The following RHNO1 variants were observed in gnomAD, a reference collection of about 807,000 sequenced individuals.
RHNO1 encodes RAD9, HUS1, RAD1-interacting nuclear orphan protein 1.
RHNO1 carries 9 observed loss-of-function variants against 7.2 expected under a neutral mutation model. The ratio of observed to expected loss-of-function variants is 1.25; its 90% confidence interval spans 0.75 to 2.18. The LOEUF (loss-of-function observed/expected upper bound fraction) is 2.18, where lower values mean the gene tolerates loss of function less well. RHNO1 is among the 30% of genes most tolerant of loss of function. The probability of loss-of-function intolerance (pLI) is 0.00; values close to 1 mark genes in which losing one functional copy is unlikely to be tolerated. For missense variants in RHNO1, 292 were observed against 284.5 expected (o/e 1.03, Z -0.19); for synonymous variants, 95 against 107.5 (o/e 0.88, Z 0.72).
rs1043096061 is a variant in RHNO1 at position 2,889,009 on chromosome 12, T to A, written c.*550T>A. ...TCAGTAATACAGCAATATTACCCCATCCACTAATGGTCTTTGTTTCCTTAA... is the reference window on the plus strand; with the variant it reads ...TCAGTAATACAGCAATATTACCCCAACCACTAATGGTCTTTGTTTCCTTAA... On this transcript the variant is annotated 3_prime_UTR_variant, in exon 3 of 3. Coordinates refer to ENST00000489288, the MANE Select transcript of RHNO1 (RefSeq NM_001252499.3). 3 of 152,274 alleles carry A rather than the reference T, an allele frequency of 2.0e-5. No homozygotes were observed. The highest frequency in any genetic ancestry group is 7.2e-5 in the African/African-American group (3 of 41,436). The allele number at this position is 152,274 out of a possible 1,614,324, so 9.4% of individuals were successfully genotyped here.
intron 2 of RHNO1, chr12:2,886,937 G>C (rs1436545080): frequency 2.2e-6 from 1 of 455,750 alleles, no homozygotes; most frequent in South Asian, 1.5e-5. Flanking sequence ...CGCTATGCTT[G>C]GAGTTGGCTA....
At position 2,885,275 on chromosome 12, in the gene RHNO1, C is replaced by A; in HGVS notation, c.-84-8C>A. On this transcript the variant is annotated splice_polypyrimidine_tract_variant and splice_region_variant and intron_variant, in intron 1 of 2. Transcript: ENST00000489288. The stretch of plus-strand genomic sequence containing the variant: ...TATTTGCTCCCAGCTTTTGTTTCTT[C>A]TCTACAGGCATGGGTTGGAATTGGA... 1 of 1,125,940 alleles carries A rather than the reference C, an allele frequency of 8.9e-7. No individual in the cohort carries two copies. The highest frequency in any genetic ancestry group is 1.3e-6 in the Non-Finnish European group (1 of 785,996). 69.7% of individuals were successfully genotyped at this position (1,125,940 alleles called of 1,614,324 possible).
Position 2,888,708 on chromosome 12 carries a change from T to A in RHNO1, c.*249T>A, listed in dbSNP as rs371145409. The A allele has an allele frequency of 3.4e-4, 116 of 338,918 alleles. No individual in the cohort carries two copies. The highest frequency in any genetic ancestry group is 2.1e-3 in the African/African-American group (101 of 48,154). The allele number at this position is 338,918 out of a possible 1,614,324, so 21.0% of individuals were successfully genotyped here. The stretch of plus-strand genomic sequence containing the variant: ...ATGCCTGGCTAATTTTTTTGTATTT[T>A]TAGTAGAGATGTGGTTTCTCCATGT... On this transcript the variant is annotated 3_prime_UTR_variant, in exon 3 of 3. Coordinates refer to ENST00000489288, the MANE Select transcript of RHNO1 (RefSeq NM_001252499.3).
chr12:2,888,409 C>G lies in RHNO1; in HGVS notation c.667C>G (p.Leu223Val). 1.2e-6 allele frequency: 2 copies of G among 1,608,896 alleles called. No individual in the cohort carries two copies. The highest frequency in any genetic ancestry group is 1.7e-6 in the Non-Finnish European group (2 of 1,178,084). The part of the protein sequence containing the change: ...WRRRQHLLAY[L>V]RERGKLSRSQ... Reference sequence around the variant, plus strand: ...GAGACGACAGCACCTGCTTGCTTACCTCAGGGAGAGAGGGAAGCTGAGCAG... The same window carrying G: ...GAGACGACAGCACCTGCTTGCTTACGTCAGGGAGAGAGGGAAGCTGAGCAG... The change falls in exon 3 of 3, where the codon CTC becomes GTC. Residue 223 changes from leucine (L) to valine (V), a missense_variant. Coordinates refer to ENST00000489288, the MANE Select transcript of RHNO1 (RefSeq NM_001252499.3).
intron 2 of RHNO1, chr12:2,887,004 G>A: frequency 2.2e-6 from 1 of 455,926 alleles, no homozygotes; most frequent in Non-Finnish European, 4.4e-6. Context: ...TGGGAATCAA[G>A]AACAAGACCA....
chr12:2,883,497 ATATATATATATATATTTTTTTTTT>A (rs1316319825), intron 1 of RHNO1, among the ~76,000 whole-genome samples: 2 of 23,902 alleles, frequency 8.4e-5, no homozygotes, highest in African/African-American at 3.5e-4. Flanking sequence ...ATATATATAT[ATATATATATATATATTTTTTTTTT>A]TTTTTTTTTT....
rs1230927897 is a variant in RHNO1 at position 2,883,501 on chromosome 12, ATATATATATATTTTTTTT to A, written c.-84-1780_-84-1763del. On this transcript the variant is annotated intron_variant, in intron 1 of 2. Transcript: ENST00000489288. The stretch of plus-strand genomic sequence containing the variant: ...AATATATATATATATATATATATAT[ATATATATATATTTTTTTT>A]TTTTTTTTTTTTTTTGAGACGGAGT... Among the ~76,000 whole-genome samples the A allele has an allele frequency of 7.4e-3, 230 of 31,192 alleles. 2 individuals are homozygous for A. Among genetic ancestry groups the A allele is most frequent in the South Asian group, 0.026 (15 of 578 alleles). The allele number at this position is 31,192 out of a possible 152,430, so 20.5% of individuals were successfully genotyped here. A position where few individuals can be genotyped will look rare whatever the true frequency, so the allele number is the denominator to read the frequency against.
At chr12:2,883,498 TATATATATATA>T (rs2098161190) in intron 1 of RHNO1, among the ~76,000 whole-genome samples, 4 of 23,616 alleles carry the variant, frequency 1.7e-4, no homozygotes, top group Non-Finnish European at 2.7e-4. Context: ...TATATATATA[TATATATATATA>T]TATTTTTTTT....
intron 1 of RHNO1, among the ~76,000 whole-genome samples, chr12:2,884,277 A>G (rs1052715663): frequency 2.0e-5 from 3 of 152,182 alleles, no homozygotes; most frequent in African/African-American, 7.2e-5. Flanking sequence ...TCTGCTGCCC[A>G]GGCTGGAGTG....
chr12:2,885,557 TGACA>T, intron 2 of RHNO1, 23 bp downstream of exon 2: 1 of 1,283,796 alleles, frequency 7.8e-7, no homozygotes, highest in Non-Finnish European at 1.1e-6. Context: ...GATTACTATT[TGACA>T]TTTTTTTTTT....
chr12:2,887,007 CAA>C, intron 2 of RHNO1: 1 of 455,890 alleles, frequency 2.2e-6, no homozygotes, highest in Non-Finnish European at 4.4e-6. Flanking sequence ...GAATCAAGAA[CAA>C]GACCACTGGT....
rs1407675818 is a variant in RHNO1, at chr12:2,888,114, C to T, written c.372C>T (p.Ser124=). The T allele has an allele frequency of 2.5e-6, 4 of 1,613,818 alleles. No individual in the cohort carries two copies. The South Asian group carries it at 3.3e-5, about 13-fold the overall frequency. The change falls in exon 3 of 3, where the codon TCC becomes TCT. Residue 124 remains serine, a synonymous_variant. Coordinates refer to ENST00000489288, the MANE Select transcript of RHNO1 (RefSeq NM_001252499.3). The part of the protein sequence containing the change: ...ECPSESEKDV[S]RRPLVPVLSP... The stretch of plus-strand genomic sequence containing the variant: ...CCAGTGAATCAGAAAAGGATGTTTC[C>T]AGAAGACCCTTAGTTCCAGTGCTCA...
intron 1 of RHNO1, among the ~76,000 whole-genome samples, chr12:2,881,861 C>T (rs945807922): frequency 2.0e-5 from 3 of 149,854 alleles, no homozygotes; most frequent in Non-Finnish European, 3.0e-5. Context: ...GCCAAGATCG[C>T]GCCACTGTAC....
Position 2,888,007 on chromosome 12 carries a change from T to C in RHNO1, c.265T>C (p.Ser89Pro). The change falls in exon 3 of 3, where the codon TCC becomes CCC. Residue 89 changes from serine (S) to proline (P), a missense_variant. By Grantham distance (74) the Ser-to-Pro change is moderately conservative (BLOSUM62 -1). Coordinates refer to ENST00000489288, the MANE Select transcript of RHNO1 (RefSeq NM_001252499.3). Reference protein sequence around the residue: ...ARHSSRKPTTSKFPHLTFESP... With the variant: ...ARHSSRKPTTPKFPHLTFESP... ...ACACTCAAGTCGAAAACCTACCACCTCCAAGTTTCCACATCTAACTTTTGA... is the reference window on the plus strand; with the variant it reads ...ACACTCAAGTCGAAAACCTACCACCCCCAAGTTTCCACATCTAACTTTTGA... The C allele has an allele frequency of 1.2e-6, 2 of 1,613,658 alleles. No homozygotes were observed. Among genetic ancestry groups the C allele is most frequent in the Middle Eastern group, 3.3e-4 (2 of 6,062 alleles).
chr12:2,884,552 G>A (rs1171946390), intron 1 of RHNO1, among the ~76,000 whole-genome samples: 2 of 151,746 alleles, frequency 1.3e-5, no homozygotes, highest in Non-Finnish European at 2.9e-5. Context: ...TAGTAGAGAC[G>A]AGGTTTCACC....
chr12:2,883,084 A>AAAAAAAAAAAAAAACAC (rs1176902071), intron 1 of RHNO1, among the ~76,000 whole-genome samples: 1 of 99,736 alleles, frequency 1.0e-5, no homozygotes, highest in African/African-American at 4.0e-5. Flanking sequence ...AAAAAAAAAA[A>AAAAAAAAAAAAAAACAC]ACACATAGAA....
rs772457144 is a variant in RHNO1 at position 2,888,321 on chromosome 12, G to C, written c.579G>C (p.Glu193Asp). Residue 193 changes from glutamate (E) to aspartate (D), a missense_variant, in exon 3 of 3, where the codon GAG becomes GAC. By Grantham distance (45) the Glu-to-Asp change is conservative. Coordinates refer to ENST00000489288, the MANE Select transcript of RHNO1 (RefSeq NM_001252499.3). ...ACACTGGCACTCCTAATAGCCCAGA[G>C]CCTGGACCTGTTCTGGTTAAAGACA... ...TLHTGTPNSP[E>D]PGPVLVKDTP... The C allele has an allele frequency of 6.2e-7, 1 of 1,614,126 alleles. No individual in the cohort carries two copies. The highest frequency in any genetic ancestry group is 1.7e-5 in the Admixed American group (1 of 60,008).
rs1190579489 is a variant in RHNO1, at chr12:2,887,339, G to A, written c.169-572G>A. Among the ~76,000 whole-genome samples the A allele has an allele frequency of 2.0e-5, 3 of 152,150 alleles. No homozygotes were observed. The East Asian group carries it at 5.8e-4, about 29-fold the overall frequency. On this transcript the variant is annotated intron_variant, in intron 2 of 2. Coordinates refer to ENST00000489288, the MANE Select transcript of RHNO1 (RefSeq NM_001252499.3). ...CTAAAAATACAAAAATTAACTGGTC[G>A]TGGTGGTGCGCACCTATATTCCCAG...
chr12:2,879,854 G>A (rs1367721038), intron 1 of RHNO1, among the ~76,000 whole-genome samples: 2 of 151,998 alleles, frequency 1.3e-5, no homozygotes, highest in Admixed American at 1.3e-4. Flanking sequence ...GACTTAGACA[G>A]CAGAATGAAC....
Sources: allele counts gnomAD v4.1 joint callset (sites outside exome capture counted in the v4.1 genomes callset), GRCh38; gene constraint gnomAD v4.1.1; transcripts MANE v1.5; gene names NCBI Gene and HGNC (gene_info 2026-07-23, HGNC 2026-07-21).